PRKAG2: variants seen among roughly 807,000 people sequenced by gnomAD.
The protein encoded by PRKAG2 is protein kinase AMP-activated non-catalytic subunit gamma 2, also known as 5'-AMP-activated protein kinase subunit gamma-2.
In PRKAG2, 26 loss-of-function variants were observed where a neutral mutation model predicts 69.6. The ratio of observed to expected loss-of-function variants is 0.37; its 90% CI spans 0.27 to 0.52. PRKAG2 has a LOEUF of 0.52. Among genes scored for constraint, PRKAG2 ranks in the 20% least tolerant of loss-of-function variants. PRKAG2 has a pLI of 0.90. For synonymous variants in PRKAG2, 293 were observed against 285.0 expected (o/e 1.03, Z -0.28); for missense variants, 557 against 740.0 (o/e 0.75, Z 2.87).
chr7:151,849,712 T>C lies in PRKAG2; in HGVS notation c.114+26795A>G, dbSNP rs547657883. On this transcript the variant is annotated intron_variant, in intron 1 of 15. Coordinates refer to ENST00000287878, the MANE Select transcript of PRKAG2 (RefSeq NM_016203.4). The stretch of plus-strand genomic sequence containing the variant: ...TCCTTGGTAGCCACCAGCGCACTCC[T>C]GTCTCGGCCTCTGCTGTCCCATGGC... 9.1e-4 allele frequency among the ~76,000 whole-genome samples: 139 copies of C among 152,238 alleles called. 1 individual carries two copies. In the Middle Eastern group the frequency reaches 0.02, roughly 22 times the overall value.
At chr7:151,691,624 C>T (rs1392337593) in intron 3 of PRKAG2, among the ~76,000 whole-genome samples, 1 of 152,132 alleles carries the variant, frequency 6.6e-6, no homozygotes, top group Non-Finnish European at 1.5e-5. Context: ...AACATCACTA[C>T]ACCTACTAGA....
At chr7:151,634,412 T>C (rs1251892248) in intron 4 of PRKAG2, among the ~76,000 whole-genome samples, 2 of 152,108 alleles carry the variant, frequency 1.3e-5, no homozygotes, top group African/African-American at 2.4e-5. Context: ...AAAGTTAGAC[T>C]TGACACCAAA....
chr7:151,623,536 G>A (rs76535632), intron 5 of PRKAG2, among the ~76,000 whole-genome samples: 3,475 of 152,218 alleles, frequency 0.023, 134 homozygotes, highest in African/African-American at 0.079. Context: ...CTCACCTGCC[G>A]TGTGGGCCGA....
intron 1 of PRKAG2, among the ~76,000 whole-genome samples, chr7:151,860,665 G>A (rs1225125922): frequency 1.3e-5 from 2 of 152,130 alleles, no homozygotes; most frequent in African/African-American, 4.8e-5. Context: ...GAGTCAAGGT[G>A]CAAAGTCCCC....
intron 3 of PRKAG2, among the ~76,000 whole-genome samples, chr7:151,767,744 T>A (rs1344054533): frequency 6.6e-6 from 1 of 152,172 alleles, no homozygotes; most frequent in Non-Finnish European, 1.5e-5. Flanking sequence ...TTAAATCCTG[T>A]GGCAAGTCAC....
chr7:151,803,950 A>AC (rs1454890705), intron 1 of PRKAG2, among the ~76,000 whole-genome samples: 3 of 151,892 alleles, frequency 2.0e-5, no homozygotes, highest in Admixed American at 6.6e-5. Context: ...AAAAAAAAAA[A>AC]AAAAAAGTAA....
intron 1 of PRKAG2, among the ~76,000 whole-genome samples, chr7:151,844,965 G>A (rs1586709858): frequency 6.6e-6 from 1 of 152,070 alleles, no homozygotes; most frequent in African/African-American, 2.4e-5. Context: ...ACACGGGGAC[G>A]TCACAGCTCC....
At chr7:151,705,395 G>T (rs1339366279) in intron 3 of PRKAG2, among the ~76,000 whole-genome samples, 1 of 152,132 alleles carries the variant, frequency 6.6e-6, no homozygotes, top group Non-Finnish European at 1.5e-5. Context: ...AATTAATCCA[G>T]CCGGGAAAGT....
chr7:151,779,541 T>C (rs2076567300), intron 3 of PRKAG2, among the ~76,000 whole-genome samples: 1 of 152,214 alleles, frequency 6.6e-6, no homozygotes, highest in South Asian at 2.1e-4. Context: ...TACACTCCTT[T>C]GGGCACCCTT....
chr7:151,571,134 T>G (rs563414985), intron 9 of PRKAG2, among the ~76,000 whole-genome samples: 2 of 149,936 alleles, frequency 1.3e-5, no homozygotes, highest in South Asian at 2.1e-4. Context: ...TACAGCAGCA[T>G]CATCTTGGCT....
chr7:151,854,199 C>A (rs12111701), intron 1 of PRKAG2, among the ~76,000 whole-genome samples: 1 of 152,248 alleles, frequency 6.6e-6, no homozygotes, highest in African/African-American at 2.4e-5. Context: ...TAGAAATGAG[C>A]CTCCAAGGAG....
chr7:151,684,374 G>A (rs1338816762), intron 3 of PRKAG2, among the ~76,000 whole-genome samples: 2 of 152,320 alleles, frequency 1.3e-5, no homozygotes, highest in Admixed American at 1.3e-4. Flanking sequence ...AAGCAGCTGA[G>A]CTCTGGGGCC....
intron 4 of PRKAG2, among the ~76,000 whole-genome samples, chr7:151,674,490 C>T (rs78053178): frequency 0.059 from 8,981 of 152,176 alleles, 714 homozygotes; most frequent in African/African-American, 0.18. Context: ...TCGCTGGGCA[C>T]GGGAATAATA....
At chr7:151,658,269 T>C (rs1051323530) in intron 4 of PRKAG2, among the ~76,000 whole-genome samples, 1 of 151,282 alleles carries the variant, frequency 6.6e-6, no homozygotes, top group Non-Finnish European at 1.5e-5. Context: ...GGGCGGATCA[T>C]GAGGTCAGGA....
chr7:151,753,362 C>T (rs2074847112), intron 3 of PRKAG2, among the ~76,000 whole-genome samples: 1 of 152,066 alleles, frequency 6.6e-6, no homozygotes, highest in Non-Finnish European at 1.5e-5. Context: ...TATGAAACAT[C>T]CACTGAAATA....
chr7:151,834,429 G>A (rs2079101549), intron 1 of PRKAG2, among the ~76,000 whole-genome samples: 1 of 152,192 alleles, frequency 6.6e-6, no homozygotes, highest in East Asian at 1.9e-4. Flanking sequence ...GGAGGTGCAG[G>A]GTTAGCTTCC....
chr7:151,628,826 G>A (rs1023608748), intron 5 of PRKAG2, among the ~76,000 whole-genome samples: 25 of 152,240 alleles, frequency 1.6e-4, no homozygotes, highest in African/African-American at 5.8e-4. Context: ...AAGCACTGCT[G>A]AGAACTTGCT....
chr7:151,670,214 C>CTT, intron 4 of PRKAG2, among the ~76,000 whole-genome samples: 2 of 152,314 alleles, frequency 1.3e-5, no homozygotes, highest in African/African-American at 4.8e-5. Context: ...CCCTCTTCCT[C>CTT]CTCTGCTCCA....
intron 3 of PRKAG2, among the ~76,000 whole-genome samples, chr7:151,773,028 AGAG>A (rs2076115572): frequency 9.4e-4 from 48 of 50,880 alleles, no homozygotes; most frequent in African/African-American, 3.9e-3. Context: ...AAAGAAAGAG[AGAG>A]AGAGAGAGAG....
Sources: gnomAD v4.1 joint callset for allele counts (sites outside exome capture counted in the v4.1 genomes callset) on GRCh38, gnomAD v4.1.1 for gene constraint, MANE v1.5 for transcripts, NCBI Gene and HGNC (gene_info 2026-07-23, HGNC 2026-07-21) for gene names.